Variants in PC observed in about 807,000 individuals in gnomAD.
PC encodes the protein pyruvate carboxylase, also known as pyruvate carboxylase, mitochondrial.
PC carries 46 observed loss-of-function variants against 107.8 expected under a neutral mutation model. The ratio of observed to expected loss-of-function variants is 0.43; its 90% CI spans 0.34 to 0.55. PC has a LOEUF of 0.55. Among genes scored for constraint, PC ranks in the 20% least tolerant of loss-of-function variants. The probability of loss-of-function intolerance (pLI) is 0.04; values close to 1 mark genes in which losing one functional copy is unlikely to be tolerated. For synonymous variants in PC, 662 were observed against 684.7 expected (o/e 0.97, Z 0.52); for missense variants, 1,241 against 1,643.1 (o/e 0.76, Z 4.23).
intron 4 of PC, 22 bp downstream of exon 4, chr11:66,872,002 C>A (rs45527240): frequency 9.6e-6 from 15 of 1,556,916 alleles, no homozygotes; most frequent in Non-Finnish European, 1.3e-5. Context: ...AGGCTCCTCT[C>A]ACCGGCCCCA....
rs199906653 is a variant in PC at position 66,858,950 on chromosome 11, G to T, written c.1368+4824C>A. The T allele has an allele frequency of 5.1e-6, 8 of 1,577,514 alleles. No homozygotes were observed. Among genetic ancestry groups the T allele is most frequent in the Non-Finnish European group, 3.5e-6 (4 of 1,158,426 alleles). On this transcript the variant is annotated intron_variant, in intron 12 of 22. Transcript: ENST00000393960. This position sits in a 1 kb window ranked among gnomAD's most constrained non-coding sequence, Gnocchi z 5.9. ...GCACTGCTGCCGAGGGTGAGGGGAC[G>T]CTGGAGTCTGAGCCAGCCGTGCAGG...
chr11:66,862,405 C>T (rs1197088386), intron 12 of PC, among the ~76,000 whole-genome samples: 1 of 152,230 alleles, frequency 6.6e-6, no homozygotes, highest in Non-Finnish European at 1.5e-5. Flanking sequence ...GAAGTGATTG[C>T]AGGACCCTGA....
In PC at chr11:66,910,469, T is replaced by C. The variant is rs997163206; in HGVS notation, c.1-38310A>G. Among the ~76,000 whole-genome samples, 4 of 152,076 alleles carry C rather than the reference T, an allele frequency of 2.6e-5. No individual in the cohort carries two copies. The East Asian group carries it at 7.7e-4, about 29-fold the overall frequency. ...TATGGAGCAAGACAAGCAAGTAGAG[T>C]TTCTTTCATTTATTCGGAAAGCTTG... On this transcript the variant is annotated intron_variant, in intron 3 of 22. Transcript: ENST00000393960.
chr11:66,912,380 C>T (rs1948358092), intron 3 of PC, among the ~76,000 whole-genome samples: 2 of 152,132 alleles, frequency 1.3e-5, no homozygotes, highest in African/African-American at 4.8e-5. Flanking sequence ...TTGAGAACCA[C>T]CAGTCTAGGA....
intron 3 of PC, among the ~76,000 whole-genome samples, chr11:66,932,059 T>C (rs1293692254): frequency 6.9e-6 from 1 of 144,474 alleles, no homozygotes; most frequent in Non-Finnish European, 1.5e-5. Flanking sequence ...AAAAAGGAAA[T>C]ATGTTTCTAT....
At chr11:66,909,450 C>A (rs998216210) in intron 3 of PC, among the ~76,000 whole-genome samples, 1 of 152,198 alleles carries the variant, frequency 6.6e-6, no homozygotes, top group Non-Finnish European at 1.5e-5. Flanking sequence ...CCGCTCCCCC[C>A]CGAAGAGAAG....
Position 66,852,915 on chromosome 11 carries a change from C to T in PC, c.1514-79G>A, listed in dbSNP as rs1186667481. The T allele has an allele frequency of 1.9e-6, 2 of 1,052,840 alleles. No homozygotes were observed. Among genetic ancestry groups the T allele is most frequent in the East Asian group, 5.0e-5 (2 of 40,172 alleles). 65.2% of individuals were successfully genotyped at this position (1,052,840 alleles called of 1,614,324 possible). On this transcript the variant is annotated intron_variant, in intron 13 of 22. Transcript: ENST00000393960. This position sits in a 1 kb window ranked among gnomAD's most constrained non-coding sequence, Gnocchi z 4.7. ...GGGCAGCAGTGAGAGTGGCTGGGCTCAGGGACAGGGACACATCCCTCCAGG... is the reference window on the plus strand; with the variant it reads ...GGGCAGCAGTGAGAGTGGCTGGGCTTAGGGACAGGGACACATCCCTCCAGG...
intron 1 of PC, among the ~76,000 whole-genome samples, chr11:66,954,857 C>T (rs1042534551): frequency 6.6e-6 from 1 of 152,084 alleles, no homozygotes. Flanking sequence ...GCAGGAGAAT[C>T]ACTTGAATCC....
At chr11:66,916,503 G>C (rs1385704397) in intron 3 of PC, among the ~76,000 whole-genome samples, 2 of 152,208 alleles carry the variant, frequency 1.3e-5, no homozygotes, top group Non-Finnish European at 2.9e-5. Flanking sequence ...TGGGGGACCT[G>C]AGTTCCTAGG....
chr11:66,913,517 C>T (rs552268048), intron 3 of PC, among the ~76,000 whole-genome samples: 1 of 151,710 alleles, frequency 6.6e-6, no homozygotes, highest in South Asian at 2.1e-4. Context: ...TAAAAAAATA[C>T]AAAAATTAGC....
intron 21 of PC, 52 bp downstream of exon 21, chr11:66,849,559 C>G (rs1046082729): frequency 2.5e-6 from 4 of 1,613,562 alleles, no homozygotes; most frequent in Non-Finnish European, 2.5e-6. Flanking sequence ...AACTCCAGAG[C>G]TCTGGGGCAG....
At chr11:66,891,482 C>T (rs1320485178) in intron 3 of PC, among the ~76,000 whole-genome samples, 1 of 152,138 alleles carries the variant, frequency 6.6e-6, no homozygotes, top group African/African-American at 2.4e-5. Flanking sequence ...CAACCTCCGC[C>T]TCCCGGGTTC....
At chr11:66,942,035 G>C (rs988819628) in intron 3 of PC, among the ~76,000 whole-genome samples, 13 of 151,632 alleles carry the variant, frequency 8.6e-5, no homozygotes, top group Non-Finnish European at 1.9e-4. Context: ...TCGGGAGGCA[G>C]AGGTTGTAGT....
At chr11:66,853,513 G>T in intron 12 of PC, 130 bp from the exon 13 acceptor site, 2 of 1,067,360 alleles carry the variant, frequency 1.9e-6, no homozygotes, top group Non-Finnish European at 2.9e-6. Context: ...CCTCCCTGCA[G>T]AGGGGCACTT....
chr11:66,875,768 C>T (rs1006559603), intron 3 of PC, among the ~76,000 whole-genome samples: 1 of 152,080 alleles, frequency 6.6e-6, no homozygotes, highest in Admixed American at 6.5e-5. Flanking sequence ...GGTAGAGTAA[C>T]CTTGCTGGAC....
At chr11:66,925,186 T>C (rs1192893553) in intron 3 of PC, among the ~76,000 whole-genome samples, 1 of 152,182 alleles carries the variant, frequency 6.6e-6, no homozygotes. Context: ...CGGGCACGCA[T>C]TGTCATTGAT....
chr11:66,887,192 G>T (rs573682508), intron 3 of PC, among the ~76,000 whole-genome samples: 1 of 152,160 alleles, frequency 6.6e-6, no homozygotes. Context: ...ATCTCCCAGC[G>T]AGAGGACCAG....
intron 3 of PC, among the ~76,000 whole-genome samples, chr11:66,885,197 A>T (rs1947316876): frequency 6.6e-6 from 1 of 152,148 alleles, no homozygotes; most frequent in South Asian, 2.1e-4. Context: ...TCAGAATGTG[A>T]CCTTATTTGG....
rs1946747095 is a variant in PC at position 66,871,834 on chromosome 11, C to T, written c.174G>A (p.Glu58=). The change falls in exon 5 of 23, where the codon GAG becomes GAA. Residue 58 remains glutamate, a synonymous_variant. Transcript: ENST00000393960. This position sits in a 1 kb window ranked among gnomAD's most constrained non-coding sequence, Gnocchi z 7.4. ...IAIRVFRACT[E]LGIRTVAIYS... The stretch of plus-strand genomic sequence containing the variant: ...AGATGGCTACGGTGCGGATGCCCAG[C>T]TCCGTGCAGGCCCGGAACACACGGA... The T allele has an allele frequency of 6.2e-7, 1 of 1,608,910 alleles. No individual in the cohort carries two copies. Among genetic ancestry groups the T allele is most frequent in the Non-Finnish European group, 8.5e-7 (1 of 1,179,672 alleles).
Sources: gnomAD v4.1 joint callset for allele counts (sites outside exome capture counted in the v4.1 genomes callset) on GRCh38, gnomAD v4.1.1 for gene constraint, Gnocchi (gnomAD v3.1) non-coding constraint, MANE v1.5 for transcripts, NCBI Gene and HGNC (gene_info 2026-07-23, HGNC 2026-07-21) for gene names.